The following H2BC6 variants were observed in gnomAD, a reference collection of about 807,000 sequenced individuals.
H2BC6 encodes H2B clustered histone 6.
Under a neutral mutation model 6.1 loss-of-function variants are expected in H2BC6, and 8 were observed. The observed-to-expected ratio is 1.31, with a 90% CI of 0.77 to 2.36. The LOEUF (loss-of-function observed/expected upper bound fraction) is 2.36, where lower values mean the gene tolerates loss of function less well. Ranked by LOEUF, H2BC6 falls within the 30% of genes most tolerant of loss-of-function variation. The pLI is 0.00. For synonymous variants in H2BC6, 136 were observed against 73.9 expected, an observed-to-expected ratio of 1.84 and a Z score of -4.31; for missense variants, 212 against 169.9, an observed-to-expected ratio of 1.25 and a Z score of -1.38.
chr6:26,184,034 G>T lies in H2BC6; in HGVS notation c.239G>T (p.Arg80Leu), dbSNP rs1764743041. ...GAGCGCATCGCCGGCGAGGCTTCCCGCCTGGCGCATTACAACAAGCGCTCG... is the reference window on the plus strand; with the variant it reads ...GAGCGCATCGCCGGCGAGGCTTCCCTCCTGGCGCATTACAACAAGCGCTCG... ...IFERIAGEAS[R>L]LAHYNKRSTI... Residue 80 changes from arginine (R) to leucine (L), a missense_variant, in exon 1 of 1, where the codon CGC (arginine) becomes CTC (leucine). Transcript: ENST00000614097. The T allele has an allele frequency of 1.2e-6, 2 of 1,614,178 alleles. No individual in the cohort carries two copies. Among genetic ancestry groups the T allele is most frequent in the Non-Finnish European group, 1.7e-6 (2 of 1,180,024 alleles).
Position 26,184,043 on chromosome 6 carries a change from A to AT in H2BC6, c.250dup (p.Tyr84LeufsTer52). 1 of 1,614,268 alleles carries AT rather than the reference A, an allele frequency of 6.2e-7. No individual in the cohort carries two copies. The highest frequency in any genetic ancestry group is 1.1e-5 in the South Asian group (1 of 91,088). On this transcript the variant is annotated frameshift_variant, in exon 1 of 1. Transcript: ENST00000614097. LOFTEE classifies it high-confidence loss of function. ...GCCGGCGAGGCTTCCCGCCTGGCGC[A>AT]TTACAACAAGCGCTCGACCATCACC...
At position 26,183,921 on chromosome 6, in the gene H2BC6, G is replaced by A. The variant is rs112927641; in HGVS notation, c.126G>A (p.Val42=). ...RSRKESYSVY[V]YKVLKQVHPD... The stretch of plus-strand genomic sequence containing the variant: ...GCAAGGAGAGCTACTCCGTATACGT[G>A]TACAAGGTGCTGAAACAGGTCCACC... The change falls in exon 1 of 1, where the codon GTG becomes GTA. Residue 42 remains valine, a synonymous_variant. Coordinates refer to ENST00000614097, the MANE Select transcript of H2BC6 (RefSeq NM_003523.3). The A allele has an allele frequency of 1.1e-5, 17 of 1,614,270 alleles. 1 individual carries two copies. In the African/African-American group the frequency reaches 1.2e-4, roughly 11 times the overall value.
rs1489145900 is a variant in H2BC6, at chr6:26,184,065, CA to C, written c.271del (p.Thr91ProfsTer?). 1 of 1,614,270 alleles carries C rather than the reference CA, an allele frequency of 6.2e-7. No homozygotes were observed. ...CGCATTACAACAAGCGCTCGACCAT[CA>C]CCTCCAGGGAGATCCAGACGGCCGT... ...LAHYNKRSTI[T>X]SREIQTAVRL... On this transcript the variant is annotated frameshift_variant, in exon 1 of 1. Transcript: ENST00000614097. LOFTEE classifies it high-confidence loss of function.
Position 26,183,821 on chromosome 6 carries a change from C to T in H2BC6, c.26C>T (p.Pro9Leu). Residue 9 changes from proline (P) to leucine (L), a missense_variant, in exon 1 of 1, where the codon CCC becomes CTC. Transcript: ENST00000614097. MPEPAKSA[P>L]APKKGSKKAV... is the part of the protein sequence containing the mutation. ...ATGCCTGAGCCAGCGAAATCCGCTC[C>T]CGCCCCGAAGAAGGGCTCCAAGAAG... 6.2e-7 allele frequency: 1 copy of T among 1,614,208 alleles called. No homozygotes were observed.
Position 26,183,840 on chromosome 6 carries a change from CAAG to C in H2BC6, c.49_51del (p.Lys17del). 6.2e-7 allele frequency: 1 copy of C among 1,614,208 alleles called. No homozygotes were observed. The highest frequency in any genetic ancestry group is 8.5e-7 in the Non-Finnish European group (1 of 1,180,040). ...CCGCTCCCGCCCCGAAGAAGGGCTC[CAAG>C]AAGGCCGTGACCAAGGCGCAGAAGA... On this transcript the variant is annotated inframe_deletion, in exon 1 of 1. Coordinates refer to ENST00000614097, the MANE Select transcript of H2BC6 (RefSeq NM_003523.3).
In H2BC6 at chr6:26,183,836, G is replaced by C; in HGVS notation, c.41G>C (p.Gly14Ala). ...AAATCCGCTCCCGCCCCGAAGAAGGGCTCCAAGAAGGCCGTGACCAAGGCG... is the reference window on the plus strand; with the variant it reads ...AAATCCGCTCCCGCCCCGAAGAAGGCCTCCAAGAAGGCCGTGACCAAGGCG... ...PAKSAPAPKK[G>A]SKKAVTKAQK... The change falls in exon 1 of 1, where the codon GGC (glycine) becomes GCC (alanine). Residue 14 changes from glycine (G) to alanine (A), a missense_variant. Physicochemically the swap from Gly to Ala is moderately conservative, Grantham distance 60. Coordinates refer to ENST00000614097, the MANE Select transcript of H2BC6 (RefSeq NM_003523.3). 5 of 1,614,248 alleles carry C rather than the reference G, an allele frequency of 3.1e-6. No homozygotes were observed. Among genetic ancestry groups the C allele is most frequent in the Non-Finnish European group, 4.2e-6 (5 of 1,180,044 alleles).
chr6:26,184,008 C>T lies in H2BC6; in HGVS notation c.213C>T (p.Phe71=), dbSNP rs965410502. ...TGAATTCCTTTGTCAACGACATCTT[C>T]GAGCGCATCGCCGGCGAGGCTTCCC... ...GIMNSFVNDI[F]ERIAGEASRL... The change falls in exon 1 of 1, where the codon TTC becomes TTT. Residue 71 remains phenylalanine (F), a synonymous_variant. Transcript: ENST00000614097. The T allele has an allele frequency of 2.5e-6, 4 of 1,614,246 alleles. No homozygotes were observed. Among genetic ancestry groups the T allele is most frequent in the African/African-American group, 2.7e-5 (2 of 75,066 alleles).
Position 26,183,826 on chromosome 6 carries a change from C to G in H2BC6, c.31C>G (p.Pro11Ala). MPEPAKSAPAPKKGSKKAVTK... is the reference protein window; with the variant it reads MPEPAKSAPAAKKGSKKAVTK... ...TGAGCCAGCGAAATCCGCTCCCGCC[C>G]CGAAGAAGGGCTCCAAGAAGGCCGT... The change falls in exon 1 of 1, where the codon CCG becomes GCG. Residue 11 changes from proline to alanine, a missense_variant. Transcript: ENST00000614097. The G allele has an allele frequency of 7.4e-6, 12 of 1,614,230 alleles. No individual in the cohort carries two copies. The highest frequency in any genetic ancestry group is 1.0e-5 in the Non-Finnish European group (12 of 1,180,052).
In H2BC6 at chr6:26,184,041, G is replaced by C; in HGVS notation, c.246G>C (p.Ala82=). The part of the protein sequence containing the change: ...ERIAGEASRL[A]HYNKRSTITS... ...TCGCCGGCGAGGCTTCCCGCCTGGC[G>C]CATTACAACAAGCGCTCGACCATCA... The change falls in exon 1 of 1, where the codon GCG becomes GCC. Residue 82 remains alanine, a synonymous_variant. Transcript: ENST00000614097. 1.2e-6 allele frequency: 2 copies of C among 1,614,272 alleles called. No homozygotes were observed. The highest frequency in any genetic ancestry group is 1.7e-6 in the Non-Finnish European group (2 of 1,180,050).
Position 26,183,809 on chromosome 6 carries a change from C to A in H2BC6, c.14C>A (p.Ala5Glu). The A allele has an allele frequency of 6.2e-7, 1 of 1,614,118 alleles. No individual in the cohort carries two copies. Among genetic ancestry groups the A allele is most frequent in the South Asian group, 1.1e-5 (1 of 91,092 alleles). MPEP[A>E]KSAPAPKKGS... Reference sequence around the variant, plus strand: ...AGCAAAGATAGCATGCCTGAGCCAGCGAAATCCGCTCCCGCCCCGAAGAAG... The same window carrying A: ...AGCAAAGATAGCATGCCTGAGCCAGAGAAATCCGCTCCCGCCCCGAAGAAG... Residue 5 changes from alanine (A) to glutamate (E), a missense_variant, in exon 1 of 1, where the codon GCG becomes GAG. Physicochemically the swap from Ala to Glu is moderately radical, Grantham distance 107. Transcript: ENST00000614097.
chr6:26,183,847 G>C lies in H2BC6; in HGVS notation c.52G>C (p.Ala18Pro), dbSNP rs374387585. Residue 18 changes from alanine to proline, a missense_variant, in exon 1 of 1, where the codon GCC becomes CCC. By Grantham distance (27) the Ala-to-Pro change is conservative. Transcript: ENST00000614097. ...APAPKKGSKK[A>P]VTKAQKKDGK... ...CGCCCCGAAGAAGGGCTCCAAGAAG[G>C]CCGTGACCAAGGCGCAGAAGAAGGA... The C allele has an allele frequency of 1.9e-6, 3 of 1,614,126 alleles. No homozygotes were observed. The highest frequency in any genetic ancestry group is 1.3e-5 in the African/African-American group (1 of 74,944).
rs759339073 is a variant in H2BC6 at position 26,183,948 on chromosome 6, C to T, written c.153C>T (p.Pro51=). The T allele has an allele frequency of 1.9e-6, 3 of 1,614,264 alleles. No individual in the cohort carries two copies. Among genetic ancestry groups the T allele is most frequent in the Non-Finnish European group, 2.5e-6 (3 of 1,180,046 alleles). The change falls in exon 1 of 1, where the codon CCC becomes CCT. Residue 51 remains proline, a synonymous_variant. Coordinates refer to ENST00000614097, the MANE Select transcript of H2BC6 (RefSeq NM_003523.3). ...ACAAGGTGCTGAAACAGGTCCACCC[C>T]GACACCGGCATCTCCTCTAAAGCCA... is the stretch of plus-strand genomic sequence containing the variant. The part of the protein sequence containing the change: ...YVYKVLKQVH[P]DTGISSKAMG...
At position 26,184,206 on chromosome 6, in the gene H2BC6, C is replaced by T. The variant is rs763388326; in HGVS notation, c.*30C>T. On this transcript the variant is annotated 3_prime_UTR_variant, in exon 1 of 1. Transcript: ENST00000614097. The stretch of plus-strand genomic sequence containing the variant: ...GTCCCTGCAACTGCCTTAGTAAACC[C>T]AAAGGCTCTTTTCAGAGCCACTCAC... 6.2e-7 allele frequency: 1 copy of T among 1,611,062 alleles called. No individual in the cohort carries two copies. Among genetic ancestry groups the T allele is most frequent in the Non-Finnish European group, 8.5e-7 (1 of 1,178,600 alleles).
chr6:26,184,131 G>A lies in H2BC6; in HGVS notation c.336G>A (p.Val112=). ...LLPGELAKHA[V]SEGTKAVTKY... is the part of the protein sequence containing the mutation. The stretch of plus-strand genomic sequence containing the variant: ...CCGGGGAGCTGGCCAAGCACGCTGT[G>A]TCAGAGGGCACCAAGGCCGTTACCA... Residue 112 remains valine (V), a synonymous_variant, in exon 1 of 1, where the codon GTG becomes GTA. Transcript: ENST00000614097. The A allele has an allele frequency of 6.2e-7, 1 of 1,614,234 alleles. No individual in the cohort carries two copies. Among genetic ancestry groups the A allele is most frequent in the Non-Finnish European group, 8.5e-7 (1 of 1,180,044 alleles).
At position 26,183,820 on chromosome 6, in the gene H2BC6, C is replaced by T; in HGVS notation, c.25C>T (p.Pro9Ser). ...CATGCCTGAGCCAGCGAAATCCGCT[C>T]CCGCCCCGAAGAAGGGCTCCAAGAA... MPEPAKSA[P>S]APKKGSKKAV... The change falls in exon 1 of 1, where the codon CCC becomes TCC. Residue 9 changes from proline (P) to serine (S), a missense_variant. Transcript: ENST00000614097. 5 of 1,614,232 alleles carry T rather than the reference C, an allele frequency of 3.1e-6. No homozygotes were observed. The highest frequency in any genetic ancestry group is 4.2e-6 in the Non-Finnish European group (5 of 1,180,052).
chr6:26,183,976 G>T lies in H2BC6; in HGVS notation c.181G>T (p.Gly61Trp), dbSNP rs781085099. 4 of 1,614,264 alleles carry T rather than the reference G, an allele frequency of 2.5e-6. No individual in the cohort carries two copies. The highest frequency in any genetic ancestry group is 3.4e-6 in the Non-Finnish European group (4 of 1,180,046). The change falls in exon 1 of 1, where the codon GGG (glycine) becomes TGG (tryptophan). Residue 61 changes from glycine (G) to tryptophan (W), a missense_variant. Transcript: ENST00000614097. Reference protein sequence around the residue: ...PDTGISSKAMGIMNSFVNDIF... With the variant: ...PDTGISSKAMWIMNSFVNDIF... The stretch of plus-strand genomic sequence containing the variant: ...CACCGGCATCTCCTCTAAAGCCATG[G>T]GGATCATGAATTCCTTTGTCAACGA...
In H2BC6 at chr6:26,184,051, A is replaced by G. The variant is rs756275349; in HGVS notation, c.256A>G (p.Lys86Glu). 6.2e-7 allele frequency: 1 copy of G among 1,614,202 alleles called. No individual in the cohort carries two copies. Among genetic ancestry groups the G allele is most frequent in the Non-Finnish European group, 8.5e-7 (1 of 1,180,030 alleles). The change falls in exon 1 of 1, where the codon AAG (lysine) becomes GAG (glutamate). Residue 86 changes from lysine to glutamate, a missense_variant. Physicochemically the swap from Lys to Glu is moderately conservative, Grantham distance 56. Coordinates refer to ENST00000614097, the MANE Select transcript of H2BC6 (RefSeq NM_003523.3). ...GEASRLAHYN[K>E]RSTITSREIQ... ...GGCTTCCCGCCTGGCGCATTACAAC[A>G]AGCGCTCGACCATCACCTCCAGGGA...
rs913070606 is a variant in H2BC6 at position 26,183,924 on chromosome 6, C to T, written c.129C>T (p.Tyr43=). 14 of 1,614,162 alleles carry T rather than the reference C, an allele frequency of 8.7e-6. No homozygotes were observed. The highest frequency in any genetic ancestry group is 1.3e-5 in the African/African-American group (1 of 74,956). ...SRKESYSVYV[Y]KVLKQVHPDT... ...AGGAGAGCTACTCCGTATACGTGTA[C>T]AAGGTGCTGAAACAGGTCCACCCCG... is the stretch of plus-strand genomic sequence containing the variant. Residue 43 remains tyrosine (Y), a synonymous_variant, in exon 1 of 1, where the codon TAC becomes TAT. Transcript: ENST00000614097.
rs774102429 is a variant in H2BC6 at position 26,184,086 on chromosome 6, G to A, written c.291G>A (p.Thr97=). The A allele has an allele frequency of 5.0e-6, 8 of 1,614,128 alleles. No homozygotes were observed. The highest frequency in any genetic ancestry group is 8.5e-7 in the Non-Finnish European group (1 of 1,180,056). ...CCATCACCTCCAGGGAGATCCAGAC[G>A]GCCGTGCGCCTGCTGCTTCCCGGGG... ...RSTITSREIQ[T]AVRLLLPGEL... The change falls in exon 1 of 1, where the codon ACG becomes ACA. Residue 97 remains threonine, a synonymous_variant. Coordinates refer to ENST00000614097, the MANE Select transcript of H2BC6 (RefSeq NM_003523.3).
Sources: gnomAD v4.1 joint callset for allele counts on GRCh38, gnomAD v4.1.1 for gene constraint, MANE v1.5 for transcripts, NCBI Gene and HGNC (gene_info 2026-07-23, HGNC 2026-07-21) for gene names.